TMEM267: variants seen among roughly 807,000 people sequenced by gnomAD.
TMEM267 encodes transmembrane protein C5orf28.
Under a neutral mutation model 19.3 loss-of-function variants are expected in TMEM267, and 20 were observed. The observed-to-expected ratio is 1.04, with a 90% CI of 0.73 to 1.51. The LOEUF (loss-of-function observed/expected upper bound fraction) is 1.51. Ranked by LOEUF, TMEM267 falls within the 40% of genes most tolerant of loss-of-function variation. TMEM267 has a pLI of 0.00. For missense variants in TMEM267, 242 were observed against 261.9 expected (o/e 0.92, Z 0.52); for synonymous variants, 88 against 90.3 (o/e 0.97, Z 0.15).
intron 1 of TMEM267, among the ~76,000 whole-genome samples, chr5:43,467,679 A>G (rs1055012584): frequency 1.3e-5 from 2 of 152,222 alleles, no homozygotes; most frequent in African/African-American, 4.8e-5. Flanking sequence ...GATCTTCCAG[A>G]CAGAAAATCA....
chr5:43,479,344 T>C (rs1240132813), intron 1 of TMEM267, among the ~76,000 whole-genome samples: 1 of 152,134 alleles, frequency 6.6e-6, no homozygotes, highest in Middle Eastern at 3.4e-3. Flanking sequence ...ATCATTACTT[T>C]TTTTCCTTTT....
At chr5:43,453,582 T>C in intron 2 of TMEM267, 76 bp downstream of exon 2, 1 of 1,306,754 alleles carries the variant, frequency 7.7e-7, no homozygotes, top group East Asian at 2.4e-5. Flanking sequence ...TCTCTAGTTC[T>C]AAATGATGCT....
intron 1 of TMEM267, among the ~76,000 whole-genome samples, chr5:43,455,350 G>A (rs558250969): frequency 6.6e-6 from 1 of 152,008 alleles, no homozygotes; most frequent in Non-Finnish European, 1.5e-5. Flanking sequence ...TTAAGCCCCG[G>A]AGGTTGAGGC....
chr5:43,480,167 C>T (rs1382341479), intron 1 of TMEM267, among the ~76,000 whole-genome samples: 2 of 152,122 alleles, frequency 1.3e-5, no homozygotes, highest in African/African-American at 4.8e-5. Flanking sequence ...TATTCCCCTC[C>T]TTCAATAAAG....
chr5:43,470,857 G>T (rs10067571), intron 1 of TMEM267, among the ~76,000 whole-genome samples: 1,896 of 152,058 alleles, frequency 0.012, 39 homozygotes, highest in African/African-American at 0.039. Flanking sequence ...GACGCGACAA[G>T]AAAACTATTA....
intron 1 of TMEM267, among the ~76,000 whole-genome samples, chr5:43,461,062 CCTT>C (rs1197645334): frequency 1.3e-5 from 2 of 152,152 alleles, no homozygotes; most frequent in Non-Finnish European, 2.9e-5. Flanking sequence ...AAAAGAGACC[CCTT>C]CTTTTTGCTT....
chr5:43,477,374 G>T (rs939713387), intron 1 of TMEM267, among the ~76,000 whole-genome samples: 13 of 152,090 alleles, frequency 8.5e-5, no homozygotes, highest in African/African-American at 3.1e-4. Flanking sequence ...GGATCATGAG[G>T]TCAGGAGTTC....
At chr5:43,471,963 G>C (rs1250794160) in intron 1 of TMEM267, among the ~76,000 whole-genome samples, 1 of 152,030 alleles carries the variant, frequency 6.6e-6, no homozygotes, top group Non-Finnish European at 1.5e-5. Flanking sequence ...AGGTTAAAAT[G>C]CTTCTGCACA....
At chr5:43,473,889 A>C (rs1174448468) in intron 1 of TMEM267, among the ~76,000 whole-genome samples, 1 of 152,262 alleles carries the variant, frequency 6.6e-6, no homozygotes, top group Non-Finnish European at 1.5e-5. Flanking sequence ...AGTAACAAAA[A>C]CAGCATGGTA....
intron 1 of TMEM267, among the ~76,000 whole-genome samples, chr5:43,454,252 A>G (rs566527335): frequency 7.1e-6 from 1 of 141,104 alleles, no homozygotes; most frequent in South Asian, 2.2e-4. Flanking sequence ...GGTACATGGT[A>G]TGTATCAAGG....
rs551536325 is a variant in TMEM267 at position 43,444,893 on chromosome 5, T to A, written c.*1329A>T. On this transcript the variant is annotated 3_prime_UTR_variant, in exon 3 of 3. Coordinates refer to ENST00000397080, the MANE Select transcript of TMEM267 (RefSeq NM_022483.5). ...ATTTGTTAACAACAAGAAAAAAAAC[T>A]CCCCTAAAGAGCTTGAACCTTCATA... 6.6e-6 allele frequency: 1 copy of A among 152,104 alleles called. No homozygotes were observed. The highest frequency in any genetic ancestry group is 2.4e-5 in the African/African-American group (1 of 41,516). The allele number at this position is 152,104 out of a possible 1,614,324, so 9.4% of individuals were successfully genotyped here.
chr5:43,461,389 CTGTT>C (rs1160474711), intron 1 of TMEM267, among the ~76,000 whole-genome samples: 2 of 152,138 alleles, frequency 1.3e-5, no homozygotes, highest in Non-Finnish European at 2.9e-5. Context: ...AAAACTCCCT[CTGTT>C]TGACAAAAGC....
At chr5:43,462,556 G>A (rs996808432) in intron 1 of TMEM267, among the ~76,000 whole-genome samples, 3 of 152,130 alleles carry the variant, frequency 2.0e-5, no homozygotes, top group Non-Finnish European at 4.4e-5. Context: ...AAGGAATCCA[G>A]AAGTCTATCA....
At chr5:43,456,780 T>G (rs1437879588) in intron 1 of TMEM267, among the ~76,000 whole-genome samples, 1 of 152,220 alleles carries the variant, frequency 6.6e-6, no homozygotes, top group Non-Finnish European at 1.5e-5. Context: ...CAACCAGAAC[T>G]CATACGCTGC....
chr5:43,457,270 G>C (rs776223195), intron 1 of TMEM267, among the ~76,000 whole-genome samples: 4 of 152,240 alleles, frequency 2.6e-5, no homozygotes, highest in Middle Eastern at 3.4e-3. Context: ...TGTATGCAGG[G>C]CAAAGGGCAT....
chr5:43,457,241 A>C (rs1474078200), intron 1 of TMEM267, among the ~76,000 whole-genome samples: 1 of 152,186 alleles, frequency 6.6e-6, no homozygotes, highest in Non-Finnish European at 1.5e-5. Context: ...ACTATTGCAA[A>C]TATTAATAAT....
chr5:43,449,262 ACT>A (rs1303268367), intron 2 of TMEM267, among the ~76,000 whole-genome samples: 1 of 152,078 alleles, frequency 6.6e-6, no homozygotes, highest in Non-Finnish European at 1.5e-5. Flanking sequence ...ACAGAGTAAG[ACT>A]CTGTCTCAAG....
At chr5:43,451,431 G>C (rs1742582006) in intron 2 of TMEM267, among the ~76,000 whole-genome samples, 1 of 152,064 alleles carries the variant, frequency 6.6e-6, no homozygotes, top group Admixed American at 6.6e-5. Context: ...CCATCAAAAA[G>C]TGGGCAAAGG....
chr5:43,453,313 A>G (rs1334443091), intron 2 of TMEM267, among the ~76,000 whole-genome samples: 1 of 152,238 alleles, frequency 6.6e-6, no homozygotes, highest in Non-Finnish European at 1.5e-5. Context: ...TACAGAAAGA[A>G]CTAGGACAGC....
Sources: gnomAD v4.1 joint callset for allele counts (sites outside exome capture counted in the v4.1 genomes callset) on GRCh38, gnomAD v4.1.1 for gene constraint, MANE v1.5 for transcripts, NCBI Gene and HGNC (gene_info 2026-07-23, HGNC 2026-07-21) for gene names.